The following AEN variants were observed in gnomAD, a reference collection of about 807,000 sequenced individuals.
AEN encodes the protein apoptosis-enhancing nuclease.
In AEN, 21 loss-of-function variants were observed where a neutral mutation model predicts 17.7. The observed-to-expected ratio is 1.19, with a 90% CI of 0.84 to 1.71. The LOEUF (loss-of-function observed/expected upper bound fraction) is 1.71, where lower values mean the gene tolerates loss of function less well. Among genes scored for constraint, AEN ranks in the 40% most tolerant of loss-of-function variants. The pLI, the probability that AEN is intolerant of heterozygous loss-of-function variation, is 0.00. For missense variants in AEN, 462 were observed against 435.9 expected, an observed-to-expected ratio of 1.06 and a Z score of -0.53; for synonymous variants, 190 against 173.0, an observed-to-expected ratio of 1.10 and a Z score of -0.77.
chr15:88,612,571 T>TTTTA, the AEN span, among the ~76,000 whole-genome samples: 52,001 of 140,024 alleles, frequency 0.37, 10,326 homozygotes, highest in East Asian at 0.68. Context: ...TTTCCCAGCC[T>TTTTA]TTTATTTATT....
At chr15:88,605,004 G>A in the AEN span, 1 of 152,266 alleles carries the variant, frequency 6.6e-6, no homozygotes. The surrounding 1 kb of genome is among the most constrained non-coding windows in gnomAD (Gnocchi z 7.6). Context: ...TCAAGGGCTC[G>A]GGACTGGAGA....
At chr15:88,614,225 G>T in the AEN span, among the ~76,000 whole-genome samples, 1 of 151,884 alleles carries the variant, frequency 6.6e-6, no homozygotes, top group Non-Finnish European at 1.5e-5. Flanking sequence ...ATTGAAATGG[G>T]GTCTGGCTTT....
the AEN span, among the ~76,000 whole-genome samples, chr15:88,615,824 C>G: frequency 6.6e-6 from 1 of 152,192 alleles, no homozygotes; most frequent in Admixed American, 6.5e-5. Context: ...CTGCACCTGG[C>G]CCAGCACCAT....
In AEN at chr15:88,626,466, C is replaced by G; in HGVS notation, c.257C>G (p.Ala86Gly). The G allele has an allele frequency of 6.2e-7, 1 of 1,614,014 alleles. No homozygotes were observed. Among genetic ancestry groups the G allele is most frequent in the African/African-American group, 1.3e-5 (1 of 75,074 alleles). ...AGCAGTGGGAAGCAGTGTCTGAGGGCTGGATCTGGCAGTGCCCCATGCAGC... is the reference window on the plus strand; with the variant it reads ...AGCAGTGGGAAGCAGTGTCTGAGGGGTGGATCTGGCAGTGCCCCATGCAGC... ...AASSGKQCLR[A>G]GSGSAPCSRR... is the part of the protein sequence containing the mutation. The change falls in exon 2 of 4, where the codon GCT (alanine) becomes GGT (glycine). Residue 86 changes from alanine to glycine, a missense_variant. Ala to Gly is a moderately conservative substitution (Grantham distance 60). Coordinates refer to ENST00000332810, the MANE Select transcript of AEN (RefSeq NM_022767.4).
At chr15:88,606,131 C>A in the AEN span, among the ~76,000 whole-genome samples, 1 of 152,178 alleles carries the variant, frequency 6.6e-6, no homozygotes, top group South Asian at 2.1e-4. Context: ...GCAAGCGGGA[C>A]AGAGGATCTA....
At chr15:88,617,711 T>G (rs2057749666), upstream of AEN, among the ~76,000 whole-genome samples, 1 of 151,920 alleles carries the variant, frequency 6.6e-6, no homozygotes, top group Non-Finnish European at 1.5e-5. Flanking sequence ...ATGACTGAGA[T>G]AAAACTCATG....
chr15:88,617,640 C>A (rs1336407585), upstream of AEN, among the ~76,000 whole-genome samples: 6 of 151,880 alleles, frequency 4.0e-5, no homozygotes, highest in Non-Finnish European at 8.8e-5. Context: ...CAATGATTAA[C>A]CCCTTACCCC....
At chr15:88,622,237 G>C (rs939593822) in intron 1 of AEN, among the ~76,000 whole-genome samples, 2 of 152,164 alleles carry the variant, frequency 1.3e-5, no homozygotes, top group African/African-American at 4.8e-5. Flanking sequence ...CTGACCCCCA[G>C]AGCGCTGGGT....
chr15:88,605,692 C>T, the AEN span, among the ~76,000 whole-genome samples: 220 of 152,350 alleles, frequency 1.4e-3, 1 homozygote, highest in Non-Finnish European at 2.0e-3. This position sits in a 1 kb window ranked among gnomAD's most constrained non-coding sequence, Gnocchi z 7.6. Context: ...CCCAGTGTAG[C>T]CTTTCCACTC....
Position 88,626,288 on chromosome 15 carries a change from C to T in AEN, c.79C>T (p.Arg27Trp), listed in dbSNP as rs776258858. 16 of 1,613,534 alleles carry T rather than the reference C, an allele frequency of 9.9e-6. No individual in the cohort carries two copies. The highest frequency in any genetic ancestry group is 3.3e-5 in the South Asian group (3 of 91,040). The part of the protein sequence containing the change: ...LTIPNAKDVL[R>W]KRHKRRSRQH... Reference sequence around the variant, plus strand: ...CATCCCAAATGCCAAGGATGTGCTTCGGAAGAGGCACAAGAGAAGGAGCCG... The same window carrying T: ...CATCCCAAATGCCAAGGATGTGCTTTGGAAGAGGCACAAGAGAAGGAGCCG... The change falls in exon 2 of 4, where the codon CGG (arginine) becomes TGG (tryptophan). Residue 27 changes from arginine (R) to tryptophan (W), a missense_variant. Arg to Trp is a moderately radical substitution (Grantham distance 101). Coordinates refer to ENST00000332810, the MANE Select transcript of AEN (RefSeq NM_022767.4).
chr15:88,629,087 G>A (rs992155290), intron 2 of AEN, 139 bp from the exon 3 acceptor site: 1 of 814,402 alleles, frequency 1.2e-6, no homozygotes, highest in Non-Finnish European at 2.0e-6. Context: ...GTTGACTGTG[G>A]AGCTCGTGAT....
the AEN span, among the ~76,000 whole-genome samples, chr15:88,615,153 C>T: frequency 2.0e-5 from 3 of 152,130 alleles, no homozygotes; most frequent in African/African-American, 7.2e-5. Context: ...CGTGAGCCAC[C>T]GCGCCCGGCC....
intron 1 of AEN, among the ~76,000 whole-genome samples, chr15:88,625,074 C>T (rs547402604): frequency 5.3e-5 from 8 of 152,294 alleles, no homozygotes; most frequent in African/African-American, 7.2e-5. Context: ...CAGCAATGAA[C>T]GACAGCACCT....
At chr15:88,623,019 C>T (rs534254554) in intron 1 of AEN, among the ~76,000 whole-genome samples, 18 of 152,232 alleles carry the variant, frequency 1.2e-4, no homozygotes, top group Admixed American at 7.8e-4. Context: ...TCAGGAAAGC[C>T]ACCCACCCTA....
At chr15:88,615,257 AATGGAGCAAG>A in the AEN span, among the ~76,000 whole-genome samples, 1 of 152,122 alleles carries the variant, frequency 6.6e-6, no homozygotes, top group Non-Finnish European at 1.5e-5. Flanking sequence ...TCTAGTCTAG[AATGGAGCAAG>A]GAACGGCAGA....
chr15:88,630,530 T>C lies in AEN; in HGVS notation c.*236T>C. 1 of 538,394 alleles carries C rather than the reference T, an allele frequency of 1.9e-6. No homozygotes were observed. Among genetic ancestry groups the C allele is most frequent in the Non-Finnish European group, 3.4e-6 (1 of 297,716 alleles). The allele number at this position is 538,394 out of a possible 1,614,324, so 33.4% of individuals were successfully genotyped here. A position where few individuals can be genotyped will look rare whatever the true frequency, so the allele number is the denominator to read the frequency against. ...ACTCCTGTGGTTTTGCTAATGGCAC[T>C]TTACAGACTCCATGGAGATGTCAGG... On this transcript the variant is annotated 3_prime_UTR_variant, in exon 4 of 4. Coordinates refer to ENST00000332810, the MANE Select transcript of AEN (RefSeq NM_022767.4). This position sits in a 1 kb window ranked among gnomAD's most constrained non-coding sequence, Gnocchi z 5.1.
Position 88,632,179 on chromosome 15 carries a change from G to A in AEN, c.*1885G>A, listed in dbSNP as rs1366764577. The A allele has an allele frequency of 6.6e-6, 1 of 152,214 alleles. No individual in the cohort carries two copies. The highest frequency in any genetic ancestry group is 1.5e-5 in the Non-Finnish European group (1 of 68,052). The allele number at this position is 152,214 out of a possible 1,614,324, so 9.4% of individuals were successfully genotyped here. A position where few individuals can be genotyped will look rare whatever the true frequency, so the allele number is the denominator to read the frequency against. On this transcript the variant is annotated 3_prime_UTR_variant, in exon 4 of 4. Coordinates refer to ENST00000332810, the MANE Select transcript of AEN (RefSeq NM_022767.4). ...AGTAGCTTTGATCCCTTGGTCTGGG[G>A]GTCGAAGGAAGATGGTGCTGTTATC...
rs763210791 is a variant in AEN, at chr15:88,629,319, C to G, written c.634C>G (p.Arg212Gly). The G allele has an allele frequency of 2.6e-5, 42 of 1,614,122 alleles. No individual in the cohort carries two copies. Among genetic ancestry groups the G allele is most frequent in the Non-Finnish European group, 3.6e-5 (42 of 1,180,024 alleles). ...GTATGTCCACCCTCGGAGCCAGACC[C>G]GGGATACGACCTATGTCCCAAACTT... ...LKYVHPRSQT[R>G]DTTYVPNFLS... The change falls in exon 3 of 4, where the codon CGG (arginine) becomes GGG (glycine). Residue 212 changes from arginine to glycine, a missense_variant. Physicochemically the swap from Arg to Gly is moderately radical, Grantham distance 125 (BLOSUM62 -2). Coordinates refer to ENST00000332810, the MANE Select transcript of AEN (RefSeq NM_022767.4).
At chr15:88,624,138 C>T (rs2057821339) in intron 1 of AEN, among the ~76,000 whole-genome samples, 1 of 152,240 alleles carries the variant, frequency 6.6e-6, no homozygotes, top group South Asian at 2.1e-4. Flanking sequence ...GTTTCTGTCT[C>T]CACCATGAAA....
Sources: allele counts gnomAD v4.1 joint callset (sites outside exome capture counted in the v4.1 genomes callset), GRCh38; gene constraint gnomAD v4.1.1; non-coding constraint Gnocchi (gnomAD v3.1); transcripts MANE v1.5; gene names NCBI Gene and HGNC (gene_info 2026-07-23, HGNC 2026-07-21).